The following GGA1 variants were observed in gnomAD, a reference collection of about 807,000 sequenced individuals.
GGA1 encodes the protein ADP-ribosylation factor-binding protein GGA1.
A neutral mutation model predicts 76.9 loss-of-function variants in GGA1; 18 were observed. That is an observed-to-expected ratio of 0.23 (90% CI 0.16 to 0.35). The LOEUF is 0.35. GGA1 is among the 10% of genes least tolerant of loss of function. GGA1 has a pLI of 1.00. For missense variants in GGA1, 755 were observed against 859.0 expected, an observed-to-expected ratio of 0.88 and a Z score of 1.51; for synonymous variants, 342 against 354.7, an observed-to-expected ratio of 0.96 and a Z score of 0.40.
intron 11 of GGA1, chr22:37,627,282 C>T (rs554553821): frequency 1.3e-5 from 2 of 152,350 alleles, no homozygotes; most frequent in African/African-American, 4.8e-5. Flanking sequence ...TGCTCTGACT[C>T]GTTGTTCATA....
chr22:37,630,116 T>C lies in GGA1; in HGVS notation c.1277T>C (p.Leu426Pro), dbSNP rs909521837. Residue 426 changes from leucine to proline, a missense_variant, in exon 13 of 17, where the codon CTG (leucine) becomes CCG (proline). Transcript: ENST00000343632. The stretch of plus-strand genomic sequence containing the variant: ...AGCGGTCTGGACGACCTAGACCTCC[T>C]GGGGAAGACCCTCCTGCAGCAGTCG... ...ASSGLDDLDLLGKTLLQQSLP... is the reference protein window; with the variant it reads ...ASSGLDDLDLPGKTLLQQSLP... The C allele has an allele frequency of 6.2e-7, 1 of 1,608,432 alleles. No individual in the cohort carries two copies. Among genetic ancestry groups the C allele is most frequent in the Non-Finnish European group, 8.5e-7 (1 of 1,177,498 alleles).
At chr22:37,612,580 G>T (rs1176944568) in intron 1 of GGA1, 1 of 137,408 alleles carries the variant, frequency 7.3e-6, no homozygotes, top group Non-Finnish European at 1.6e-5. Context: ...GACCATCCTG[G>T]CTAACATGGT....
intron 3 of GGA1, chr22:37,617,521 A>G: frequency 2.0e-6 from 2 of 989,900 alleles, no homozygotes; most frequent in Non-Finnish European, 2.4e-6. Context: ...GGTGGTAGAG[A>G]TACAGTTTCT....
Position 37,632,540 on chromosome 22 carries a change from C to A in GGA1, c.1809+25C>A. ...GGTAAGGGGCCCCCAGGCAGTGCTGCAGGGTGGGGACGGCCACTTCTCCTC... is the reference window on the plus strand; with the variant it reads ...GGTAAGGGGCCCCCAGGCAGTGCTGAAGGGTGGGGACGGCCACTTCTCCTC... On this transcript the variant is annotated intron_variant, in intron 16 of 16. Transcript: ENST00000343632. This position sits in a 1 kb window ranked among gnomAD's most constrained non-coding sequence, Gnocchi z 5.1. 1 of 1,585,046 alleles carries A rather than the reference C, an allele frequency of 6.3e-7. No homozygotes were observed. The highest frequency in any genetic ancestry group is 8.7e-7 in the Non-Finnish European group (1 of 1,153,700).
intron 1 of GGA1, chr22:37,609,487 C>G (rs189818449): frequency 3.3e-4 from 66 of 197,534 alleles, no homozygotes; most frequent in African/African-American, 1.5e-3. Context: ...TTGGGAGAGT[C>G]TTAGACTCCA....
chr22:37,621,600 C>A lies in GGA1; in HGVS notation c.529-16C>A. ...CCAGGTGCTGCCCTCACGGTCACACCCCTCTGTCTCTGCAGATGCTGGCCC... is the reference window on the plus strand; with the variant it reads ...CCAGGTGCTGCCCTCACGGTCACACACCTCTGTCTCTGCAGATGCTGGCCC... On this transcript the variant is annotated splice_polypyrimidine_tract_variant and intron_variant, in intron 6 of 16. Coordinates refer to ENST00000343632, the MANE Select transcript of GGA1 (RefSeq NM_013365.5). The A allele has an allele frequency of 6.5e-7, 1 of 1,538,480 alleles. No homozygotes were observed. Among genetic ancestry groups the A allele is most frequent in the Non-Finnish European group, 8.8e-7 (1 of 1,135,402 alleles).
At position 37,623,800 on chromosome 22, in the gene GGA1, G is replaced by A. The variant is rs1396775461; in HGVS notation, c.832+167G>A. 6.7e-6 allele frequency: 4 copies of A among 598,798 alleles called. No individual in the cohort carries two copies. Among genetic ancestry groups the A allele is most frequent in the African/African-American group, 1.9e-5 (1 of 53,458 alleles). 37.1% of individuals were successfully genotyped at this position (598,798 alleles called of 1,614,324 possible). A position where few individuals can be genotyped will look rare whatever the true frequency, so the allele number is the denominator to read the frequency against. ...TTCTCCTCTCTGAGGACACAGAGCA[G>A]GGGCCGCCCCCCTGTTGAGAGGCCC... On this transcript the variant is annotated intron_variant, in intron 9 of 16. Transcript: ENST00000343632. This position sits in a 1 kb window ranked among gnomAD's most constrained non-coding sequence, Gnocchi z 4.6.
intron 1 of GGA1, chr22:37,610,391 T>C (rs1456168118): frequency 2.0e-5 from 3 of 152,118 alleles, no homozygotes; most frequent in African/African-American, 4.8e-5. Context: ...TCACCCAGGC[T>C]GGAGTGCAGT....
chr22:37,629,400 C>T (rs954202069), intron 11 of GGA1, 62 bp from the exon 12 acceptor site: 28 of 1,191,222 alleles, frequency 2.4e-5, no homozygotes, highest in African/African-American at 1.3e-4. Flanking sequence ...CATGGCCCCT[C>T]GGCTCTCTGG....
chr22:37,618,153 G>T, intron 3 of GGA1: 4 of 278,902 alleles, frequency 1.4e-5, no homozygotes, highest in Non-Finnish European at 2.7e-5. Context: ...AAAATAGTAA[G>T]AAAATAATGT....
chr22:37,627,964 C>T (rs1004340585), intron 11 of GGA1, among the ~76,000 whole-genome samples: 5 of 152,220 alleles, frequency 3.3e-5, no homozygotes, highest in African/African-American at 1.2e-4. Context: ...GTAGTTGGGA[C>T]TACAGGTGTG....
At chr22:37,628,897 C>G (rs540736417) in intron 11 of GGA1, among the ~76,000 whole-genome samples, 10 of 152,246 alleles carry the variant, frequency 6.6e-5, no homozygotes, top group Non-Finnish European at 1.3e-4. Flanking sequence ...CTAGGGCCAT[C>G]CACAGGGATC....
At chr22:37,617,036 T>C in intron 3 of GGA1, 39 bp downstream of exon 3, 1 of 1,571,944 alleles carries the variant, frequency 6.4e-7, no homozygotes, top group Non-Finnish European at 8.6e-7. Context: ...CCCCGCCATG[T>C]GACGACACCA....
At chr22:37,629,739 A>G (rs1375969583) in intron 12 of GGA1, among the ~76,000 whole-genome samples, 1 of 152,192 alleles carries the variant, frequency 6.6e-6, no homozygotes, top group African/African-American at 2.4e-5. Context: ...TTGGGGCTGC[A>G]GCCCAGCCTT....
chr22:37,631,545 C>G (rs547367823), intron 14 of GGA1, among the ~76,000 whole-genome samples: 2 of 152,216 alleles, frequency 1.3e-5, no homozygotes, highest in East Asian at 1.9e-4. Flanking sequence ...GCATTGCCCT[C>G]TATGAGCTCC....
rs762217256 is a variant in GGA1, at chr22:37,620,827, G to C, written c.442G>C (p.Asp148His). 1 of 1,607,386 alleles carries C rather than the reference G, an allele frequency of 6.2e-7. No individual in the cohort carries two copies. Among genetic ancestry groups the C allele is most frequent in the Non-Finnish European group, 8.5e-7 (1 of 1,173,902 alleles). Residue 148 changes from aspartate to histidine, a missense_variant, in exon 6 of 17, where the codon GAC becomes CAC. Physicochemically the swap from Asp to His is moderately conservative, Grantham distance 81. Transcript: ENST00000343632. ...ATCTAATCCAGGGATTGTAAAGTCC[G>C]ACCCCAAGCTTCCAGATGACACTAC... ...MLKKQGIVKS[D>H]PKLPDDTTFP... is the part of the protein sequence containing the mutation.
intron 7 of GGA1, among the ~76,000 whole-genome samples, chr22:37,622,080 A>G (rs762298029): frequency 5.9e-5 from 9 of 151,912 alleles, no homozygotes; most frequent in Non-Finnish European, 1.3e-4. Context: ...GTGTATGTAT[A>G]TGAGGAGACT....
In GGA1 at chr22:37,623,334, A is replaced by T. The variant is rs747983771; in HGVS notation, c.617A>T (p.Lys206Met). The stretch of plus-strand genomic sequence containing the variant: ...TGGCCAATGTGTCCCCAGGACCAGA[A>T]GCGGATGGAGAAGATCTCGAAGAGG... ...LIKEMVQEDQ[K>M]RMEKISKRVN... Residue 206 changes from lysine (K) to methionine (M), a missense_variant, in exon 8 of 17, where the codon AAG becomes ATG. Transcript: ENST00000343632. The surrounding 1 kb of genome is among the most constrained non-coding windows in gnomAD (Gnocchi z 4.6). 6.2e-7 allele frequency: 1 copy of T among 1,614,088 alleles called. No homozygotes were observed. Among genetic ancestry groups the T allele is most frequent in the Non-Finnish European group, 8.5e-7 (1 of 1,179,980 alleles).
Position 37,629,562 on chromosome 22 carries a change from A to G in GGA1, c.1158+36A>G, listed in dbSNP as rs368863855. The G allele has an allele frequency of 8.2e-4, 1,089 of 1,334,976 alleles. 3 individuals carry two copies. The highest frequency in any genetic ancestry group is 1.0e-3 in the Non-Finnish European group (981 of 964,270). The allele number at this position is 1,334,976 out of a possible 1,614,324, so 82.7% of individuals were successfully genotyped here. ...ACCACAAACTAGTCTGGCCTGTCCC[A>G]GTCCCAGGGTCAGGGCAGCTGGGAC... On this transcript the variant is annotated intron_variant, in intron 12 of 16. Coordinates refer to ENST00000343632, the MANE Select transcript of GGA1 (RefSeq NM_013365.5).
Sources: gnomAD v4.1 joint callset for allele counts (sites outside exome capture counted in the v4.1 genomes callset) on GRCh38, gnomAD v4.1.1 for gene constraint, Gnocchi (gnomAD v3.1) non-coding constraint, MANE v1.5 for transcripts, NCBI Gene and HGNC (gene_info 2026-07-23, HGNC 2026-07-21) for gene names.